MECR: variants seen among roughly 807,000 people sequenced by gnomAD.
MECR encodes enoyl-[acyl-carrier-protein] reductase, mitochondrial.
MECR carries 37 observed loss-of-function variants against 49.1 expected under a neutral mutation model. That is an observed-to-expected ratio of 0.75 (90% CI 0.58 to 0.99). MECR has a LOEUF of 0.99. Ranked by LOEUF, MECR falls within the 50% of genes least tolerant of loss-of-function variation. The probability of loss-of-function intolerance (pLI) is 0.00; values close to 1 mark genes in which losing one functional copy is unlikely to be tolerated. For synonymous variants in MECR, 198 were observed against 191.1 expected, an observed-to-expected ratio of 1.04 and a Z score of -0.30; for missense variants, 470 against 479.6, an observed-to-expected ratio of 0.98 and a Z score of 0.19.
At chr1:29,178,353 C>CTTCTCTTTTTTT in the MECR span, among the ~76,000 whole-genome samples, 1 of 127,906 alleles carries the variant, frequency 7.8e-6, no homozygotes, top group African/African-American at 3.0e-5. Context: ...GTTTCAATTA[C>CTTCTCTTTTTTT]TTTTTTTTTT....
the MECR span, among the ~76,000 whole-genome samples, chr1:29,183,877 C>G: frequency 7.4e-6 from 1 of 135,584 alleles, no homozygotes; most frequent in African/African-American, 2.8e-5. Flanking sequence ...TTTATTTATT[C>G]TACTTTTTTT....
At chr1:29,186,895 G>A in the MECR span, among the ~76,000 whole-genome samples, 4 of 152,224 alleles carry the variant, frequency 2.6e-5, no homozygotes, top group Non-Finnish European at 5.9e-5. Context: ...TGCTGCTTCT[G>A]TAAAGTGGTG....
chr1:29,190,238 G>A (rs1673093351), downstream of MECR, among the ~76,000 whole-genome samples: 1 of 152,162 alleles, frequency 6.6e-6, no homozygotes, highest in East Asian at 1.9e-4. Flanking sequence ...AGCCAGGCGC[G>A]GTGGCAGGCG....
the MECR span, chr1:29,182,025 C>A: frequency 3.2e-6 from 1 of 313,734 alleles, no homozygotes; most frequent in Non-Finnish European, 5.7e-6. Flanking sequence ...GGCGCGCCGA[C>A]GTGCGGCGGG....
chr1:29,191,238 G>A (rs540144560), downstream of MECR, among the ~76,000 whole-genome samples: 89 of 152,184 alleles, frequency 5.8e-4, no homozygotes, highest in Admixed American at 1.5e-3. Context: ...CCAGGGGCCT[G>A]CTCCTTCACC....
chr1:29,184,995 A>G, the MECR span, among the ~76,000 whole-genome samples: 11 of 149,096 alleles, frequency 7.4e-5, no homozygotes, highest in South Asian at 2.4e-3. Context: ...ACATGGTGGC[A>G]GGCGCCTATA....
chr1:29,204,325 T>C (rs1442654418), intron 4 of MECR, among the ~76,000 whole-genome samples: 1 of 152,092 alleles, frequency 6.6e-6, no homozygotes, highest in East Asian at 1.9e-4. Flanking sequence ...CAGGGATCTG[T>C]CACACAACGG....
the MECR span, among the ~76,000 whole-genome samples, chr1:29,175,575 G>A: frequency 1.6e-4 from 23 of 148,142 alleles, 1 homozygote; most frequent in Admixed American, 1.1e-3. Flanking sequence ...GGCTCCTGTA[G>A]TCCCAGCTAC....
In MECR at chr1:29,206,782, T is replaced by C. The variant is rs1299100406; in HGVS notation, c.530A>G (p.Asp177Gly). ...CCTACCTGGCTGCAGTTGCTCGAAGTCCATCAACATCCTGTAGGCTGTGCA... is the reference window on the plus strand; with the variant it reads ...CCTACCTGGCTGCAGTTGCTCGAAGCCCATCAACATCCTGTAGGCTGTGCA... Reference protein sequence around the residue: ...NPCTAYRMLMDFEQLQPGDSV... With the variant: ...NPCTAYRMLMGFEQLQPGDSV... Residue 177 changes from aspartate (D) to glycine (G), a missense_variant, in exon 4 of 10, where the codon GAC becomes GGC. Asp to Gly is a moderately conservative substitution (Grantham distance 94). Coordinates refer to ENST00000263702, the MANE Select transcript of MECR (RefSeq NM_016011.5). 1.2e-6 allele frequency: 2 copies of C among 1,613,942 alleles called. No individual in the cohort carries two copies. Among genetic ancestry groups the C allele is most frequent in the African/African-American group, 1.3e-5 (1 of 74,898 alleles).
intron 3 of MECR, 104 bp downstream of exon 3, chr1:29,215,900 AC>A: frequency 7.6e-7 from 1 of 1,315,166 alleles, no homozygotes; most frequent in Non-Finnish European, 1.0e-6. Flanking sequence ...AAAAAAATAA[AC>A]CCTGCATTAC....
intron 9 of MECR, among the ~76,000 whole-genome samples, chr1:29,195,722 C>G (rs1003974032): frequency 6.6e-6 from 1 of 152,186 alleles, no homozygotes; most frequent in African/African-American, 2.4e-5. Context: ...CTCTTCAGGA[C>G]GGGGGCAGTG....
chr1:29,168,056 C>T, the MECR span, among the ~76,000 whole-genome samples: 5 of 150,228 alleles, frequency 3.3e-5, no homozygotes, highest in African/African-American at 1.2e-4. Flanking sequence ...CGCTCTGTCG[C>T]GCAGGCTGCA....
the MECR span, chr1:29,181,995 G>T: frequency 5.7e-6 from 2 of 351,136 alleles, no homozygotes; most frequent in Non-Finnish European, 5.1e-6. Flanking sequence ...GGCCAGGACT[G>T]GGGGAGGAGC....
the MECR span, among the ~76,000 whole-genome samples, chr1:29,184,949 A>G: frequency 6.6e-6 from 1 of 151,810 alleles, no homozygotes; most frequent in South Asian, 2.1e-4. Context: ...ACATAGTGAA[A>G]CCCTGTCTCT....
At chr1:29,187,754 A>C (rs950769152), downstream of MECR, among the ~76,000 whole-genome samples, 42 of 149,938 alleles carry the variant, frequency 2.8e-4, no homozygotes, top group Non-Finnish European at 5.5e-4. Context: ...TGCACGCCAC[A>C]GGCCAGGCGA....
At position 29,196,022 on chromosome 1, in the gene MECR, A is replaced by T. The variant is rs1420739947; in HGVS notation, c.892-9T>A. On this transcript the variant is annotated splice_polypyrimidine_tract_variant and intron_variant, in intron 8 of 9. Transcript: ENST00000263702. Reference sequence around the variant, plus strand: ...TTAAAAATGAGCAGGCTCTGCAGACACAGGAAGGACATGCTGGGCTCTGAG... The same window carrying T: ...TTAAAAATGAGCAGGCTCTGCAGACTCAGGAAGGACATGCTGGGCTCTGAG... The T allele has an allele frequency of 1.2e-6, 2 of 1,614,156 alleles. No homozygotes were observed. The highest frequency in any genetic ancestry group is 4.5e-5 in the East Asian group (2 of 44,894).
the MECR span, among the ~76,000 whole-genome samples, chr1:29,174,655 A>G: frequency 6.7e-6 from 1 of 149,382 alleles, no homozygotes; most frequent in Admixed American, 6.7e-5. Context: ...AAGAAAAGGG[A>G]GAGACTGTGC....
chr1:29,170,932 T>C, the MECR span: 5 of 152,310 alleles, frequency 3.3e-5, no homozygotes, highest in East Asian at 9.6e-4. Flanking sequence ...TCTTCAGACA[T>C]TGCGTGCAGT....
intron 3 of MECR, among the ~76,000 whole-genome samples, chr1:29,209,437 C>G (rs114397048): frequency 6.6e-6 from 1 of 151,956 alleles, no homozygotes; most frequent in Non-Finnish European, 1.5e-5. Context: ...TGAGATGATC[C>G]GATGTATGCT....
Sources: allele counts gnomAD v4.1 joint callset (sites outside exome capture counted in the v4.1 genomes callset), GRCh38; gene constraint gnomAD v4.1.1; transcripts MANE v1.5; gene names NCBI Gene and HGNC (gene_info 2026-07-23, HGNC 2026-07-21).